The following CNTN4 variants were observed in gnomAD, a reference collection of about 807,000 sequenced individuals.
The protein encoded by CNTN4 is contactin-4.
A neutral mutation model predicts 122.5 loss-of-function variants in CNTN4; 77 were observed. The observed-to-expected ratio is 0.63, with a 90% confidence interval of 0.52 to 0.76. The LOEUF (loss-of-function observed/expected upper bound fraction) is 0.76, where lower values mean the gene tolerates loss of function less well. Among genes scored for constraint, CNTN4 ranks in the 30% least tolerant of loss-of-function variants. The probability of loss-of-function intolerance (pLI) is 0.00; values close to 1 mark genes in which losing one functional copy is unlikely to be tolerated. For missense variants in CNTN4, 1,256 were observed against 1,259.1 expected, an observed-to-expected ratio of 1.00 and a Z score of 0.04; for synonymous variants, 512 against 447.0, an observed-to-expected ratio of 1.15 and a Z score of -1.83.
intron 3 of CNTN4, among the ~76,000 whole-genome samples, chr3:2,507,131 T>A (rs1008754950): frequency 6.6e-6 from 1 of 152,166 alleles, no homozygotes; most frequent in Non-Finnish European, 1.5e-5. Context: ...TTATACTTAG[T>A]CGGGTTTTAA....
At chr3:2,233,152 A>G (rs934269275) in intron 2 of CNTN4, among the ~76,000 whole-genome samples, 1 of 152,188 alleles carries the variant, frequency 6.6e-6, no homozygotes, top group Non-Finnish European at 1.5e-5. Context: ...GAGCTATGAC[A>G]GTTATTAAAC....
At chr3:2,694,824 T>G (rs937158280) in intron 4 of CNTN4, among the ~76,000 whole-genome samples, 1 of 152,220 alleles carries the variant, frequency 6.6e-6, no homozygotes, top group African/African-American at 2.4e-5. Context: ...TATTTATATT[T>G]AATACAAATT....
At chr3:2,223,261 G>T (rs2039134199) in intron 2 of CNTN4, among the ~76,000 whole-genome samples, 1 of 152,012 alleles carries the variant, frequency 6.6e-6, no homozygotes, top group Non-Finnish European at 1.5e-5. Flanking sequence ...TTGCCCTGTG[G>T]GTGTCCGTGG....
intron 2 of CNTN4, among the ~76,000 whole-genome samples, chr3:2,154,501 T>C (rs2035634615): frequency 1.3e-5 from 2 of 152,252 alleles, no homozygotes; most frequent in South Asian, 4.1e-4. Flanking sequence ...AGAGATGGTT[T>C]CTGGCATAAT....
intron 6 of CNTN4, among the ~76,000 whole-genome samples, chr3:2,775,347 G>C (rs372845029): frequency 6.6e-6 from 1 of 152,078 alleles, no homozygotes; most frequent in East Asian, 1.9e-4. Context: ...TCTGTACATA[G>C]AGTTCCTATG....
chr3:2,619,261 A>T (rs552813825), intron 4 of CNTN4, among the ~76,000 whole-genome samples: 1 of 152,240 alleles, frequency 6.6e-6, no homozygotes, highest in African/African-American at 2.4e-5. Flanking sequence ...TTTCATCAGG[A>T]TCAAATGTAA....
At chr3:2,601,543 C>T (rs1019787493) in intron 4 of CNTN4, among the ~76,000 whole-genome samples, 1 of 152,076 alleles carries the variant, frequency 6.6e-6, no homozygotes, top group Non-Finnish European at 1.5e-5. Context: ...GGGCTCTGTT[C>T]TGTTCTGTTC....
At chr3:2,822,274 G>C (rs116027106) in intron 7 of CNTN4, among the ~76,000 whole-genome samples, 8 of 152,198 alleles carry the variant, frequency 5.3e-5, no homozygotes, top group African/African-American at 1.9e-4. Flanking sequence ...ATCATTATTT[G>C]ATACTGGGAA....
At chr3:2,561,069 C>T (rs1448997553) in intron 3 of CNTN4, among the ~76,000 whole-genome samples, 2 of 152,164 alleles carry the variant, frequency 1.3e-5, no homozygotes, top group South Asian at 4.1e-4. Flanking sequence ...AAGCTTACTT[C>T]CCCACTAAGT....
chr3:2,167,612 A>G (rs1574982167), intron 2 of CNTN4, among the ~76,000 whole-genome samples: 1 of 152,238 alleles, frequency 6.6e-6, no homozygotes, highest in African/African-American at 2.4e-5. Context: ...AAATGATGTA[A>G]TATTTTCCAC....
chr3:3,031,024 C>G, intron 16 of CNTN4, 49 bp downstream of exon 16: 1 of 1,611,306 alleles, frequency 6.2e-7, no homozygotes, highest in Non-Finnish European at 8.5e-7. Flanking sequence ...TTCATGATAT[C>G]TACTGTAGCG....
At chr3:2,858,902 T>A (rs1006205460) in intron 7 of CNTN4, among the ~76,000 whole-genome samples, 1 of 152,226 alleles carries the variant, frequency 6.6e-6, no homozygotes, top group African/African-American at 2.4e-5. Flanking sequence ...CATACCATTT[T>A]TTCTATGGCA....
rs116664503 is a variant in CNTN4 at position 2,216,791 on chromosome 3, C to G, written c.-145+116152C>G. ...CCCTGGCTGGTTCCAGTCTGCATACCCCTCCTCACTCCATAGTTACGGCCT... is the reference window on the plus strand; with the variant it reads ...CCCTGGCTGGTTCCAGTCTGCATACGCCTCCTCACTCCATAGTTACGGCCT... On this transcript the variant is annotated intron_variant, in intron 2 of 24. Transcript: ENST00000418658. 2.4e-3 allele frequency among the ~76,000 whole-genome samples: 371 copies of G among 152,048 alleles called. 2 individuals carry two copies. The highest frequency in any genetic ancestry group is 8.3e-3 in the African/African-American group (342 of 41,438).
chr3:2,736,138 C>G, intron 4 of CNTN4, 77 bp from the exon 5 acceptor site: 1 of 1,395,426 alleles, frequency 7.2e-7, no homozygotes, highest in Non-Finnish European at 1.0e-6. Context: ...TATTATTTTC[C>G]TTATGTTGTT....
intron 13 of CNTN4, among the ~76,000 whole-genome samples, chr3:2,983,270 A>G (rs1353193126): frequency 7.2e-6 from 1 of 138,456 alleles, no homozygotes; most frequent in Non-Finnish European, 1.5e-5. Flanking sequence ...AAAGCCTAAT[A>G]TATAGGAGGT....
intron 20 of CNTN4, among the ~76,000 whole-genome samples, chr3:3,040,609 A>T (rs531294406): frequency 1.6e-4 from 25 of 152,338 alleles, no homozygotes; most frequent in Non-Finnish European, 3.5e-4. Flanking sequence ...TCAAAATATA[A>T]TTTGCATTTT....
At chr3:2,743,909 C>CAAGT (rs1346187513) in intron 5 of CNTN4, among the ~76,000 whole-genome samples, 1 of 152,136 alleles carries the variant, frequency 6.6e-6, no homozygotes, top group African/African-American at 2.4e-5. Context: ...CTCCCAGGTT[C>CAAGT]AAGTGGTCCT....
At chr3:2,894,471 T>C (rs1485427314) in intron 10 of CNTN4, among the ~76,000 whole-genome samples, 2 of 152,208 alleles carry the variant, frequency 1.3e-5, no homozygotes, top group Non-Finnish European at 2.9e-5. Flanking sequence ...GATGTTAATG[T>C]CTCTGGGCCT....
Position 2,338,486 on chromosome 3 carries a change from GAC to G in CNTN4, c.-144-690_-144-689del, listed in dbSNP as rs963047222. On this transcript the variant is annotated intron_variant, in intron 2 of 24. Transcript: ENST00000418658. ...TTATTTTCAGTTATTAAAACTATAA[GAC>G]AGTTATTTTACAAAGAAGTGATCTA... Among the ~76,000 whole-genome samples the G allele has an allele frequency of 3.3e-5, 5 of 151,716 alleles. No homozygotes were observed. The East Asian group carries it at 7.7e-4, about 23-fold the overall frequency.
Sources: allele counts gnomAD v4.1 joint callset (sites outside exome capture counted in the v4.1 genomes callset), GRCh38; gene constraint gnomAD v4.1.1; transcripts MANE v1.5; gene names NCBI Gene and HGNC (gene_info 2026-07-23, HGNC 2026-07-21).